The following PREX2 variants were observed in gnomAD, a reference collection of about 807,000 sequenced individuals.
PREX2 encodes the protein phosphatidylinositol 3,4,5-trisphosphate-dependent Rac exchanger 2 protein.
PREX2 carries 107 observed loss-of-function variants against 203.2 expected under a neutral mutation model. The observed-to-expected ratio is 0.53, with a 90% CI of 0.45 to 0.62. PREX2 has a LOEUF of 0.62. PREX2 is among the 20% of genes least tolerant of loss of function. The pLI is 0.00. For synonymous variants in PREX2, 672 were observed against 663.6 expected, an observed-to-expected ratio of 1.01 and a Z score of -0.19; for missense variants, 1,777 against 1,955.9, an observed-to-expected ratio of 0.91 and a Z score of 1.72.
intron 35 of PREX2, among the ~76,000 whole-genome samples, chr8:68,186,983 A>G (rs1004805143): frequency 1.3e-5 from 2 of 152,192 alleles, no homozygotes; most frequent in Non-Finnish European, 2.9e-5. Flanking sequence ...TCGCAGAATC[A>G]GATCAACATG....
intron 1 of PREX2, among the ~76,000 whole-genome samples, chr8:67,991,734 A>G (rs906344398): frequency 6.6e-6 from 1 of 152,176 alleles, no homozygotes; most frequent in African/African-American, 2.4e-5. Context: ...GTCTAACCAT[A>G]TCAATGAGCA....
At chr8:68,185,673 T>A (rs949734877) in intron 35 of PREX2, among the ~76,000 whole-genome samples, 1 of 149,800 alleles carries the variant, frequency 6.7e-6, no homozygotes, top group African/African-American at 2.5e-5. Context: ...CTGCTTACTA[T>A]AACTTACATT....
At chr8:68,223,952 G>A (rs767882564) in intron 38 of PREX2, among the ~76,000 whole-genome samples, 3 of 152,176 alleles carry the variant, frequency 2.0e-5, no homozygotes, top group Non-Finnish European at 4.4e-5. Context: ...TGGTAACACA[G>A]AGCAGGTATT....
rs1427818101 is a variant in PREX2 at position 68,232,919 on chromosome 8, A to G, written c.*1541A>G. The G allele has an allele frequency of 6.6e-6, 1 of 152,210 alleles. No homozygotes were observed. Among genetic ancestry groups the G allele is most frequent in the Non-Finnish European group, 1.5e-5 (1 of 68,040 alleles). The allele number at this position is 152,210 out of a possible 1,614,324, so 9.4% of individuals were successfully genotyped here. A position where few individuals can be genotyped will look rare whatever the true frequency, so the allele number is the denominator to read the frequency against. On this transcript the variant is annotated 3_prime_UTR_variant, in exon 40 of 40. Coordinates refer to ENST00000288368, the MANE Select transcript of PREX2 (RefSeq NM_024870.4). ...AGGCGTGAGCCGCTGCTCCCGGCCC[A>G]TTATTAAATTTTAATTTATGAAATT...
intron 1 of PREX2, among the ~76,000 whole-genome samples, chr8:67,960,242 G>C (rs112749856): frequency 6.6e-6 from 1 of 152,116 alleles, no homozygotes; most frequent in African/African-American, 2.4e-5. Flanking sequence ...GGGTTTCACC[G>C]TGTTGTCCAG....
chr8:68,011,814 G>A (rs1049683266), intron 1 of PREX2, among the ~76,000 whole-genome samples: 1 of 152,226 alleles, frequency 6.6e-6, no homozygotes, highest in East Asian at 1.9e-4. Flanking sequence ...GCTGTGAGAT[G>A]AGTTTGTGGG....
chr8:68,118,444 TA>T, intron 26 of PREX2, 105 bp from the exon 27 acceptor site: 1 of 684,420 alleles, frequency 1.5e-6, no homozygotes, highest in Non-Finnish European at 2.5e-6. Context: ...TAGTTTTCTC[TA>T]AAACATACTA....
At chr8:68,085,207 G>A (rs1218130766) in intron 18 of PREX2, among the ~76,000 whole-genome samples, 1 of 152,130 alleles carries the variant, frequency 6.6e-6, no homozygotes, top group African/African-American at 2.4e-5. Flanking sequence ...ACTTAGTGAA[G>A]TATCCAGTAC....
chr8:67,989,681 A>C (rs1277147826), intron 1 of PREX2, among the ~76,000 whole-genome samples: 5 of 152,200 alleles, frequency 3.3e-5, no homozygotes, highest in African/African-American at 9.6e-5. Context: ...ACGTAAAAAT[A>C]GCTTTGTTAT....
At chr8:68,072,473 G>A in intron 13 of PREX2, 22 bp from the exon 14 acceptor site, 4 of 1,421,592 alleles carry the variant, frequency 2.8e-6, no homozygotes, top group Non-Finnish European at 3.9e-6. Flanking sequence ...TTGTTTGTTT[G>A]TTTTTATTTT....
intron 34 of PREX2, among the ~76,000 whole-genome samples, chr8:68,149,340 C>A (rs751764264): frequency 6.6e-6 from 1 of 152,122 alleles, no homozygotes; most frequent in Non-Finnish European, 1.5e-5. Flanking sequence ...TTGCTGAAGG[C>A]AAGAACTGCG....
At chr8:68,037,405 A>G (rs1047979239) in intron 6 of PREX2, among the ~76,000 whole-genome samples, 1 of 152,126 alleles carries the variant, frequency 6.6e-6, no homozygotes, top group Non-Finnish European at 1.5e-5. Context: ...CAAAATAGAC[A>G]TTTCTGTGCA....
intron 20 of PREX2, 99 bp from the exon 21 acceptor site, chr8:68,093,506 T>C (rs62522672): frequency 0.25 from 131,496 of 520,898 alleles, 17,493 homozygotes; most frequent in Non-Finnish European, 0.28. Flanking sequence ...TTACTAATTT[T>C]AAAGAATCTA....
chr8:68,082,469 A>G (rs1809559240), intron 17 of PREX2: 1 of 152,232 alleles, frequency 6.6e-6, no homozygotes, highest in Admixed American at 6.5e-5. Context: ...TGCACTGTTT[A>G]GTGGACCTGG....
chr8:68,044,712 G>A (rs1336883810), intron 8 of PREX2, 122 bp downstream of exon 8: 2 of 713,006 alleles, frequency 2.8e-6, no homozygotes, highest in African/African-American at 3.5e-5. Flanking sequence ...ACTTTGTTAG[G>A]TAAAGTGGTT....
intron 31 of PREX2, among the ~76,000 whole-genome samples, chr8:68,132,322 A>G (rs1811024673): frequency 6.6e-6 from 1 of 151,554 alleles, no homozygotes; most frequent in Admixed American, 6.6e-5. Flanking sequence ...TTTTATAGTT[A>G]TCTATAAATG....
chr8:68,092,243 C>T (rs940713039), intron 20 of PREX2, among the ~76,000 whole-genome samples: 5 of 152,154 alleles, frequency 3.3e-5, no homozygotes, highest in African/African-American at 7.2e-5. Context: ...AACCAAATCA[C>T]GTGGCCAAGC....
chr8:68,107,658 T>C (rs1810445058), intron 23 of PREX2, among the ~76,000 whole-genome samples: 2 of 152,148 alleles, frequency 1.3e-5, no homozygotes, highest in Non-Finnish European at 2.9e-5. Context: ...ATTAGCTTTA[T>C]GCTTGTGTTT....
chr8:68,069,795 GT>G, intron 12 of PREX2, 39 bp from the exon 13 acceptor site: 1 of 997,520 alleles, frequency 1.0e-6, no homozygotes, highest in Non-Finnish European at 1.5e-6. Context: ...TGTCCCTTGG[GT>G]AATCTCACTT....
Sources: allele counts gnomAD v4.1 joint callset (sites outside exome capture counted in the v4.1 genomes callset), GRCh38; gene constraint gnomAD v4.1.1; transcripts MANE v1.5; gene names NCBI Gene and HGNC (gene_info 2026-07-23, HGNC 2026-07-21).